The following CPT1A variants were observed in gnomAD, a reference collection of about 807,000 sequenced individuals.
The protein encoded by CPT1A is carnitine O-palmitoyltransferase 1, liver isoform.
CPT1A carries 64 observed loss-of-function variants against 100.8 expected under a neutral mutation model. That is an observed-to-expected ratio of 0.63 (90% CI 0.52 to 0.78). The LOEUF is 0.78. CPT1A is among the 30% of genes least tolerant of loss of function. The pLI is 0.00. For missense variants in CPT1A, 802 were observed against 1,034.1 expected (o/e 0.78, Z 3.08); for synonymous variants, 363 against 396.0 (o/e 0.92, Z 0.99).
rs181502534 is a variant in CPT1A, at chr11:68,782,814, C to T, written c.1164-855G>A. On this transcript the variant is annotated intron_variant, in intron 10 of 18. Transcript: ENST00000265641. Reference sequence around the variant, plus strand: ...AAACACGCTAGGCCTCAGTGCACCCCGCTCGGGGAACAAAGGTGACGCTGA... The same window carrying T: ...AAACACGCTAGGCCTCAGTGCACCCTGCTCGGGGAACAAAGGTGACGCTGA... Among the ~76,000 whole-genome samples, 5 of 152,338 alleles carry T rather than the reference C, an allele frequency of 3.3e-5. No homozygotes were observed. The East Asian group carries it at 5.8e-4, about 18-fold the overall frequency.
intron 17 of CPT1A, 33 bp downstream of exon 17, chr11:68,760,192 C>T (rs1253929427): frequency 6.7e-7 from 1 of 1,484,066 alleles, no homozygotes; most frequent in African/African-American, 1.4e-5. Flanking sequence ...TCACCACGCC[C>T]CACTGCGCCT....
chr11:68,782,819 G>A (rs1855349873), intron 10 of CPT1A, among the ~76,000 whole-genome samples: 2 of 152,190 alleles, frequency 1.3e-5, no homozygotes, highest in Non-Finnish European at 2.9e-5. Flanking sequence ...CACCCCGCTC[G>A]GGGAACAAAG....
intron 6 of CPT1A, among the ~76,000 whole-genome samples, chr11:68,798,197 T>C (rs1855805850): frequency 1.3e-5 from 2 of 152,170 alleles, no homozygotes; most frequent in African/African-American, 4.8e-5. Flanking sequence ...CTTCACAGCC[T>C]GCTGGACCCA....
intron 14 of CPT1A, among the ~76,000 whole-genome samples, chr11:68,770,275 T>C (rs1316048645): frequency 6.6e-6 from 1 of 152,180 alleles, no homozygotes; most frequent in Non-Finnish European, 1.5e-5. Context: ...TCTTATTATA[T>C]TTCCCACTTG....
intron 1 of CPT1A, among the ~76,000 whole-genome samples, chr11:68,816,378 G>A (rs1468953648): frequency 6.6e-6 from 1 of 152,214 alleles, no homozygotes; most frequent in African/African-American, 2.4e-5. Flanking sequence ...TTCCTTGGAG[G>A]CAGCGGCTGA....
intron 1 of CPT1A, among the ~76,000 whole-genome samples, chr11:68,833,306 G>A (rs1856925574): frequency 6.6e-6 from 1 of 152,228 alleles, no homozygotes; most frequent in African/African-American, 2.4e-5. Flanking sequence ...GCAATAATGG[G>A]AAGGAAGAAA....
At chr11:68,778,143 G>A (rs1855191913) in intron 12 of CPT1A, among the ~76,000 whole-genome samples, 1 of 151,862 alleles carries the variant, frequency 6.6e-6, no homozygotes, top group Admixed American at 6.6e-5. Context: ...GGCTGAAGGA[G>A]TGGCTGGAGG....
At position 68,841,094 on chromosome 11, in the gene CPT1A, G is replaced by A. The variant is rs1857148401; in HGVS notation, c.-14+681C>T. ...GTCCCGACGGCTGCACCGCGAGGGC[G>A]GGCATGGGGAGGGGGACCGGGGAGA... is the stretch of plus-strand genomic sequence containing the variant. On this transcript the variant is annotated intron_variant, in intron 1 of 18. Coordinates refer to ENST00000265641, the MANE Select transcript of CPT1A (RefSeq NM_001876.4). The surrounding 1 kb of genome is among the most constrained non-coding windows in gnomAD (Gnocchi z 6.3). Among the ~76,000 whole-genome samples the A allele has an allele frequency of 6.6e-6, 1 of 152,260 alleles. No individual in the cohort carries two copies. The highest frequency in any genetic ancestry group is 1.5e-5 in the Non-Finnish European group (1 of 68,050).
In CPT1A at chr11:68,781,789, T is replaced by G; in HGVS notation, c.1334A>C (p.His445Pro). 1.2e-6 allele frequency: 2 copies of G among 1,614,114 alleles called. No homozygotes were observed. The highest frequency in any genetic ancestry group is 8.5e-7 in the Non-Finnish European group (1 of 1,180,022). ...ACGGTACCTGTCGTAACATCGGCCG[T>G]GTAGTAGAGATTTGGCGTAGCTGTC... ...SMDSYAKSLL[H>P]GRCYDRWFDK... The change falls in exon 11 of 19, where the codon CAC becomes CCC. Residue 445 changes from histidine (H) to proline (P), a missense_variant. Physicochemically the swap from His to Pro is moderately conservative, Grantham distance 77. Coordinates refer to ENST00000265641, the MANE Select transcript of CPT1A (RefSeq NM_001876.4).
rs1024237910 is a variant in CPT1A at position 68,810,011 on chromosome 11, C to G, written c.282-2373G>C. On this transcript the variant is annotated intron_variant, in intron 3 of 18. Transcript: ENST00000265641. ...TGGCCAACACGGCGAAACCCCATCT[C>G]TATCAAAAATACAAAAATTGGTTGG... Among the ~76,000 whole-genome samples, 14 of 152,156 alleles carry G rather than the reference C, an allele frequency of 9.2e-5. 1 individual carries two copies. The highest frequency in any genetic ancestry group is 3.4e-4 in the African/African-American group (14 of 41,436).
rs189357597 is a variant in CPT1A, at chr11:68,786,938, C to T, written c.968-1928G>A. On this transcript the variant is annotated intron_variant, in intron 9 of 18. Coordinates refer to ENST00000265641, the MANE Select transcript of CPT1A (RefSeq NM_001876.4). ...TGGACCAAACGGCATTTGAAGCCTT[C>T]GCTTTAAAGTCACAAACAAGACAAG... 2.3e-3 allele frequency among the ~76,000 whole-genome samples: 351 copies of T among 152,226 alleles called. 1 individual carries two copies. Among genetic ancestry groups the T allele is most frequent in the African/African-American group, 8.1e-3 (338 of 41,554 alleles).
upstream of CPT1A, among the ~76,000 whole-genome samples, chr11:68,843,235 C>T (rs1208982044): frequency 6.6e-6 from 1 of 152,102 alleles, no homozygotes; most frequent in Non-Finnish European, 1.5e-5. The surrounding 1 kb of genome is among the most constrained non-coding windows in gnomAD (Gnocchi z 4.0). Context: ...ACTTGGCTTA[C>T]GTCGTAGACA....
intron 1 of CPT1A, among the ~76,000 whole-genome samples, chr11:68,835,154 T>C (rs1856978046): frequency 6.6e-6 from 1 of 152,184 alleles, no homozygotes; most frequent in Admixed American, 6.5e-5. Flanking sequence ...GCCAACGTAT[T>C]GACAGACCCA....
At chr11:68,772,284 T>G (rs1594325808) in intron 14 of CPT1A, among the ~76,000 whole-genome samples, 1 of 150,990 alleles carries the variant, frequency 6.6e-6, no homozygotes, top group Non-Finnish European at 1.5e-5. Context: ...ACCCGGGAGG[T>G]GGAGGTTGCA....
intron 1 of CPT1A, among the ~76,000 whole-genome samples, chr11:68,824,954 G>A (rs1856684516): frequency 6.6e-6 from 1 of 151,958 alleles, no homozygotes; most frequent in Admixed American, 6.6e-5. Flanking sequence ...ACCCGACACT[G>A]CACCCAGCTG....
At chr11:68,822,987 G>A (rs1330137228) in intron 1 of CPT1A, among the ~76,000 whole-genome samples, 1 of 152,296 alleles carries the variant, frequency 6.6e-6, no homozygotes, top group South Asian at 2.1e-4. Context: ...TTAGGGTGAT[G>A]AAAACATTCC....
At chr11:68,800,369 GGTA>G (rs1441834439) in intron 5 of CPT1A, among the ~76,000 whole-genome samples, 3 of 151,984 alleles carry the variant, frequency 2.0e-5, no homozygotes, top group African/African-American at 7.3e-5. Flanking sequence ...GGTCAGGTGT[GGTA>G]GCTCACACCT....
chr11:68,758,784 A>G (rs1241967656), intron 18 of CPT1A, among the ~76,000 whole-genome samples: 1 of 151,912 alleles, frequency 6.6e-6, no homozygotes, highest in African/African-American at 2.4e-5. Context: ...ACACCAGCTA[A>G]GTTTTGTATT....
intron 14 of CPT1A, among the ~76,000 whole-genome samples, chr11:68,771,392 A>G (rs1473626887): frequency 6.6e-6 from 1 of 152,238 alleles, no homozygotes; most frequent in Non-Finnish European, 1.5e-5. Flanking sequence ...TTCTGTAGGT[A>G]AGGTATCAAC....
Sources: gnomAD v4.1 joint callset for allele counts (sites outside exome capture counted in the v4.1 genomes callset) on GRCh38, gnomAD v4.1.1 for gene constraint, Gnocchi (gnomAD v3.1) non-coding constraint, MANE v1.5 for transcripts, NCBI Gene and HGNC (gene_info 2026-07-23, HGNC 2026-07-21) for gene names.